Variants in NUDCD1 observed in about 807,000 individuals in gnomAD.
The protein encoded by NUDCD1 is nudC domain-containing protein 1.
In NUDCD1, 60 loss-of-function variants were observed where a neutral mutation model predicts 67.8. That is an observed-to-expected ratio of 0.88 (90% CI 0.72 to 1.10). The LOEUF is 1.10. Among genes scored for constraint, NUDCD1 ranks in the 50% least tolerant of loss-of-function variants. The pLI is 0.00. For missense variants in NUDCD1, 643 were observed against 695.0 expected, an observed-to-expected ratio of 0.93 and a Z score of 0.84; for synonymous variants, 244 against 230.8, an observed-to-expected ratio of 1.06 and a Z score of -0.52.
intron 3 of NUDCD1, among the ~76,000 whole-genome samples, chr8:109,296,177 C>A (rs572844983): frequency 6.6e-5 from 10 of 152,246 alleles, no homozygotes; most frequent in Admixed American, 3.3e-4. Context: ...ACTGCACTGA[C>A]TCCAGATCAA....
At chr8:109,301,909 C>T (rs991134646) in intron 2 of NUDCD1, among the ~76,000 whole-genome samples, 1 of 152,210 alleles carries the variant, frequency 6.6e-6, no homozygotes, top group South Asian at 2.1e-4. Flanking sequence ...TGCGGGGATG[C>T]CTGCCTTGGT....
intron 8 of NUDCD1, among the ~76,000 whole-genome samples, chr8:109,251,589 T>G (rs1813625624): frequency 6.6e-6 from 1 of 152,214 alleles, no homozygotes; most frequent in African/African-American, 2.4e-5. Context: ...GGTTACACTT[T>G]AGTGTCTTTA....
chr8:109,270,781 T>C (rs1004044671), intron 8 of NUDCD1, among the ~76,000 whole-genome samples: 4 of 152,034 alleles, frequency 2.6e-5, no homozygotes, highest in African/African-American at 9.7e-5. Flanking sequence ...TAAAAAGCTG[T>C]CCAGAAAAGC....
rs769436356 is a variant in NUDCD1, at chr8:109,271,094, C to A, written c.1210G>T (p.Ala404Ser). 1 of 1,589,216 alleles carries A rather than the reference C, an allele frequency of 6.3e-7. No homozygotes were observed. Among genetic ancestry groups the A allele is most frequent in the Admixed American group, 1.7e-5 (1 of 58,598 alleles). Residue 404 changes from alanine (A) to serine (S), a missense_variant, in exon 8 of 10, where the codon GCT (alanine) becomes TCT (serine). Coordinates refer to ENST00000239690, the MANE Select transcript of NUDCD1 (RefSeq NM_032869.4). The part of the protein sequence containing the change: ...NPDKEKPPCN[A>S]QELEECDIFF... Reference sequence around the variant, plus strand: ...ATATCACATTCTTCTAACTCTTGAGCATTGCAAGGTGGTTTTTCTTTATCT... The same window carrying A: ...ATATCACATTCTTCTAACTCTTGAGAATTGCAAGGTGGTTTTTCTTTATCT...
intron 8 of NUDCD1, among the ~76,000 whole-genome samples, chr8:109,269,694 A>T (rs1218483498): frequency 6.6e-6 from 1 of 152,070 alleles, no homozygotes; most frequent in African/African-American, 2.4e-5. Context: ...AAGACTCACA[A>T]GTCTAAAAAC....
At chr8:109,246,966 C>T (rs935355999) in intron 8 of NUDCD1, among the ~76,000 whole-genome samples, 1 of 152,130 alleles carries the variant, frequency 6.6e-6, no homozygotes, top group Non-Finnish European at 1.5e-5. Context: ...TCAGAGCAAC[C>T]CATCTTCTGC....
chr8:109,303,638 C>G (rs1404554449), intron 2 of NUDCD1, among the ~76,000 whole-genome samples: 2 of 142,358 alleles, frequency 1.4e-5, no homozygotes, highest in African/African-American at 5.3e-5. Flanking sequence ...TCATTGCCAC[C>G]TTTTTCCCCA....
rs192834726 is a variant in NUDCD1 at position 109,330,738 on chromosome 8, G to A, written c.118+3155C>T. On this transcript the variant is annotated intron_variant, in intron 1 of 9. Transcript: ENST00000239690. ...AGGAACACAATCATATCCTTCAAAGGGACATGGAAGGAGCTGGAAGCCACT... is the reference window on the plus strand; with the variant it reads ...AGGAACACAATCATATCCTTCAAAGAGACATGGAAGGAGCTGGAAGCCACT... 2.3e-3 allele frequency among the ~76,000 whole-genome samples: 349 copies of A among 152,208 alleles called. 1 individual carries two copies. The highest frequency in any genetic ancestry group is 8.0e-3 in the African/African-American group (332 of 41,526).
At chr8:109,259,274 A>C (rs1285641033) in intron 8 of NUDCD1, among the ~76,000 whole-genome samples, 1 of 152,260 alleles carries the variant, frequency 6.6e-6, no homozygotes. Context: ...TTCCCCGTGG[A>C]AACTGAGGAT....
rs757506457 is a variant in NUDCD1, at chr8:109,296,583, ACAT to A, written c.274-17_274-15del. On this transcript the variant is annotated splice_polypyrimidine_tract_variant and intron_variant, in intron 2 of 9. Coordinates refer to ENST00000239690, the MANE Select transcript of NUDCD1 (RefSeq NM_032869.4). The stretch of plus-strand genomic sequence containing the variant: ...TAAGGCAGTGTCCTAAAAAGACCAA[ACAT>A]TATACATTAATCTCTTCCTCTTCAC... The A allele has an allele frequency of 1.3e-6, 2 of 1,533,496 alleles. No homozygotes were observed. The highest frequency in any genetic ancestry group is 4.5e-5 in the East Asian group (2 of 43,980). The allele number at this position is 1,533,496 out of a possible 1,614,324, so 95.0% of individuals were successfully genotyped here. A position where few individuals can be genotyped will look rare whatever the true frequency, so the allele number is the denominator to read the frequency against.
chr8:109,271,810 C>A (rs1814163443), intron 7 of NUDCD1, among the ~76,000 whole-genome samples: 1 of 151,812 alleles, frequency 6.6e-6, no homozygotes, highest in African/African-American at 2.4e-5. Flanking sequence ...ACATTATTTA[C>A]AGAGGAACAA....
intron 2 of NUDCD1, chr8:109,315,984 A>G (rs905432454): frequency 6.6e-6 from 1 of 152,226 alleles, no homozygotes; most frequent in African/African-American, 2.4e-5. Context: ...AATGAAATCC[A>G]GTAACTGCCC....
Position 109,322,291 on chromosome 8 carries a change from C to T in NUDCD1, c.273+18G>A, listed in dbSNP as rs2130133315. 2 of 1,336,894 alleles carry T rather than the reference C, an allele frequency of 1.5e-6. No homozygotes were observed. Among genetic ancestry groups the T allele is most frequent in the East Asian group, 2.4e-5 (1 of 42,488 alleles). The allele number at this position is 1,336,894 out of a possible 1,614,324, so 82.8% of individuals were successfully genotyped here. On this transcript the variant is annotated intron_variant, in intron 2 of 9. Transcript: ENST00000239690. ...TATTACATACATATATTAATTATTA[C>T]ATACATGTTTCTCTTACCAGCATTA...
At chr8:109,264,897 A>C (rs918306859) in intron 8 of NUDCD1, among the ~76,000 whole-genome samples, 1 of 151,670 alleles carries the variant, frequency 6.6e-6, no homozygotes, top group Non-Finnish European at 1.5e-5. Context: ...TCATTAGAAA[A>C]TATTATTTAT....
chr8:109,317,504 G>C (rs529998441), intron 2 of NUDCD1, among the ~76,000 whole-genome samples: 11 of 152,078 alleles, frequency 7.2e-5, no homozygotes, highest in Non-Finnish European at 1.5e-4. Flanking sequence ...AATAGTATCT[G>C]GTATATCAGG....
intron 7 of NUDCD1, among the ~76,000 whole-genome samples, chr8:109,271,946 A>T (rs6993107): frequency 0.024 from 3,700 of 152,216 alleles, 139 homozygotes; most frequent in African/African-American, 0.084. Flanking sequence ...TATACATAAC[A>T]AAAATAACTT....
At chr8:109,278,604 A>G (rs899767125) in intron 6 of NUDCD1, among the ~76,000 whole-genome samples, 20 of 152,290 alleles carry the variant, frequency 1.3e-4, no homozygotes, top group African/African-American at 4.8e-4. Flanking sequence ...GATTTGTATC[A>G]CCATAGATTA....
At chr8:109,325,673 G>T (rs1383021783) in intron 1 of NUDCD1, among the ~76,000 whole-genome samples, 1 of 152,190 alleles carries the variant, frequency 6.6e-6, no homozygotes, top group Non-Finnish European at 1.5e-5. Flanking sequence ...AGGAAAGGTT[G>T]CAATAAATGA....
intron 2 of NUDCD1, among the ~76,000 whole-genome samples, chr8:109,308,637 A>T (rs1815165869): frequency 6.6e-6 from 1 of 152,086 alleles, no homozygotes; most frequent in African/African-American, 2.4e-5. Context: ...TAAGAAACAA[A>T]ATGGGAGACA....
Sources: gnomAD v4.1 joint callset for allele counts (sites outside exome capture counted in the v4.1 genomes callset) on GRCh38, gnomAD v4.1.1 for gene constraint, MANE v1.5 for transcripts, NCBI Gene and HGNC (gene_info 2026-07-23, HGNC 2026-07-21) for gene names.